The following FRMD4A variants were observed in gnomAD, a reference collection of about 807,000 sequenced individuals.
FRMD4A encodes the protein FERM domain-containing protein 4A.
In FRMD4A, 29 loss-of-function variants were observed where a neutral mutation model predicts 129.1. The ratio of observed to expected loss-of-function variants is 0.22; its 90% CI spans 0.17 to 0.31. The LOEUF (loss-of-function observed/expected upper bound fraction) is 0.31, where lower values mean the gene tolerates loss of function less well. Among genes scored for constraint, FRMD4A ranks in the 10% least tolerant of loss-of-function variants. The probability of loss-of-function intolerance (pLI) is 1.00; values close to 1 mark genes in which losing one functional copy is unlikely to be tolerated. For missense variants in FRMD4A, 1,272 were observed against 1,375.8 expected, an observed-to-expected ratio of 0.92 and a Z score of 1.19; for synonymous variants, 634 against 571.6, an observed-to-expected ratio of 1.11 and a Z score of -1.56.
chr10:14,044,096 T>G (rs541246300), intron 2 of FRMD4A, among the ~76,000 whole-genome samples: 2 of 152,342 alleles, frequency 1.3e-5, no homozygotes, highest in African/African-American at 4.8e-5. Flanking sequence ...CCCTAGGTGC[T>G]GGGATTACAG....
intron 3 of FRMD4A, among the ~76,000 whole-genome samples, chr10:13,828,555 G>A (rs191223891): frequency 1.4e-3 from 171 of 118,320 alleles, no homozygotes; most frequent in Middle Eastern, 5.6e-3. Flanking sequence ...TTTTTGAGAC[G>A]GAGTTTCACT....
In FRMD4A at chr10:14,294,520, C is replaced by G. The variant is rs533130899; in HGVS notation, c.45+35538G>C. Among the ~76,000 whole-genome samples, 15 of 152,284 alleles carry G rather than the reference C, an allele frequency of 9.9e-5. 1 individual carries two copies. The South Asian group carries it at 2.9e-3, about 29-fold the overall frequency. On this transcript the variant is annotated intron_variant, in intron 2 of 24. Transcript: ENST00000357447. ...TCACTATAGGCGTTATTATTATGCT[C>G]TCTTCATGTGTAGTGTAAACTGGCC...
chr10:14,275,657 G>A (rs915437831), intron 2 of FRMD4A, among the ~76,000 whole-genome samples: 8 of 152,288 alleles, frequency 5.3e-5, no homozygotes, highest in East Asian at 3.9e-4. Flanking sequence ...CCATGAGATG[G>A]TCAAGGTGGT....
chr10:14,300,101 C>T (rs920702100), intron 2 of FRMD4A, among the ~76,000 whole-genome samples: 3 of 151,830 alleles, frequency 2.0e-5, no homozygotes, highest in Non-Finnish European at 4.4e-5. Flanking sequence ...GAGCCCTACA[C>T]GAAGGTATAA....
chr10:13,787,028 G>A (rs1324343108), intron 5 of FRMD4A, among the ~76,000 whole-genome samples: 1 of 152,118 alleles, frequency 6.6e-6, no homozygotes, highest in Admixed American at 6.5e-5. Flanking sequence ...ACTGAATTGA[G>A]GTGGCAAATT....
intron 15 of FRMD4A, 67 bp downstream of exon 15, chr10:13,693,831 C>A (rs1272986504): frequency 1.9e-6 from 3 of 1,543,900 alleles, no homozygotes; most frequent in East Asian, 2.3e-5. Flanking sequence ...CTCTCCCCAC[C>A]TTCCTGGGTC....
rs556465886 is a variant in FRMD4A at position 14,128,088 on chromosome 10, C to A, written c.45+201970G>T. On this transcript the variant is annotated intron_variant, in intron 2 of 24. Transcript: ENST00000357447. ...TCTTTCTTTCTTTCTTTCTTTCTTT[C>A]TTTCTTTCTTTCTTTCTTTTCTTTT... is the stretch of plus-strand genomic sequence containing the variant. Among the ~76,000 whole-genome samples the A allele has an allele frequency of 5.0e-4, 45 of 89,962 alleles. 1 individual carries two copies. The highest frequency in any genetic ancestry group is 1.4e-3 in the Admixed American group (10 of 7,264). 59.0% of individuals were successfully genotyped at this position (89,962 alleles called of 152,430 possible). A position where few individuals can be genotyped will look rare whatever the true frequency, so the allele number is the denominator to read the frequency against.
chr10:13,692,474 A>G (rs990767236), intron 15 of FRMD4A: 7 of 152,206 alleles, frequency 4.6e-5, no homozygotes, highest in African/African-American at 1.7e-4. Context: ...AGAAAAATAC[A>G]AAACATATTA....
chr10:14,165,806 G>A (rs1007479042), intron 2 of FRMD4A, among the ~76,000 whole-genome samples: 1 of 152,142 alleles, frequency 6.6e-6, no homozygotes, highest in African/African-American at 2.4e-5. Context: ...TAAACATTGA[G>A]TACTCATGGA....
chr10:14,264,373 A>C (rs1844906421), intron 2 of FRMD4A, among the ~76,000 whole-genome samples: 1 of 152,242 alleles, frequency 6.6e-6, no homozygotes, highest in Non-Finnish European at 1.5e-5. Context: ...GCAACCGCTG[A>C]TTAATTTCCT....
intron 3 of FRMD4A, among the ~76,000 whole-genome samples, chr10:13,827,778 C>T (rs1372742968): frequency 6.6e-6 from 1 of 152,146 alleles, no homozygotes; most frequent in African/African-American, 2.4e-5. Context: ...AAGCCTACCC[C>T]CAGGAGATTG....
At chr10:14,127,992 CTCTCTCTCTTTCTT>C (rs1564319536) in intron 2 of FRMD4A, among the ~76,000 whole-genome samples, 14 of 123,326 alleles carry the variant, frequency 1.1e-4, no homozygotes, top group African/African-American at 5.2e-4. Flanking sequence ...CTCTCTCTCT[CTCTCTCTCTTTCTT>C]TCTTTCTTCC....
rs112675339 is a variant in FRMD4A at position 14,186,957 on chromosome 10, C to CAAA, written c.45+143098_45+143100dup. Among the ~76,000 whole-genome samples, 5 of 139,608 alleles carry CAAA rather than the reference C, an allele frequency of 3.6e-5. No homozygotes were observed. In the East Asian group the frequency reaches 8.3e-4, roughly 23 times the overall value. The allele number at this position is 139,608 out of a possible 152,430, so 91.6% of individuals were successfully genotyped here. ...GCAACATACTGAGACCTCGTCTCTG[C>CAAA]AAAAAAAAAAAAACATAATTAGTCA... On this transcript the variant is annotated intron_variant, in intron 2 of 24. Transcript: ENST00000357447.
At chr10:14,077,520 G>A (rs12255822) in intron 2 of FRMD4A, among the ~76,000 whole-genome samples, 23,621 of 151,998 alleles carry the variant, frequency 0.16, 2,676 homozygotes, top group African/African-American at 0.32. Flanking sequence ...AACTCTTTAC[G>A]GTCATTATTA....
intron 2 of FRMD4A, among the ~76,000 whole-genome samples, chr10:14,036,936 C>G (rs1471286072): frequency 6.6e-6 from 1 of 152,146 alleles, no homozygotes; most frequent in Non-Finnish European, 1.5e-5. Flanking sequence ...GCTTTTGAAA[C>G]TCTTTTGTTA....
intron 12 of FRMD4A, among the ~76,000 whole-genome samples, chr10:13,726,132 G>A (rs537796975): frequency 5.3e-5 from 8 of 152,220 alleles, no homozygotes; most frequent in Middle Eastern, 3.4e-3. Flanking sequence ...AAAATTAGCC[G>A]AGTGTGTTGC....
intron 2 of FRMD4A, among the ~76,000 whole-genome samples, chr10:14,166,533 T>C (rs149361083): frequency 2.6e-5 from 4 of 152,360 alleles, no homozygotes; most frequent in South Asian, 2.1e-4. Flanking sequence ...CTGAAACATT[T>C]TGGAATCTAA....
intron 2 of FRMD4A, among the ~76,000 whole-genome samples, chr10:14,020,137 T>G (rs1028300285): frequency 1.3e-5 from 2 of 152,232 alleles, no homozygotes; most frequent in Admixed American, 1.3e-4. Context: ...CGTCTTGTGC[T>G]CTTGGCATTG....
chr10:13,976,676 T>C (rs1255451086), intron 2 of FRMD4A, among the ~76,000 whole-genome samples: 1 of 152,188 alleles, frequency 6.6e-6, no homozygotes, highest in Non-Finnish European at 1.5e-5. Flanking sequence ...GAACAAAATT[T>C]GCAAATACAT....
Sources: gnomAD v4.1 joint callset for allele counts (sites outside exome capture counted in the v4.1 genomes callset) on GRCh38, gnomAD v4.1.1 for gene constraint, MANE v1.5 for transcripts, NCBI Gene and HGNC (gene_info 2026-07-23, HGNC 2026-07-21) for gene names.